The following NEIL1 variants were observed in gnomAD, a reference collection of about 807,000 sequenced individuals.
NEIL1 encodes the protein endonuclease 8-like 1.
In NEIL1, 31 loss-of-function variants were observed where a neutral mutation model predicts 44.2. That is an observed-to-expected ratio of 0.70 (90% CI 0.53 to 0.95). NEIL1 has a LOEUF of 0.95. NEIL1 is among the 40% of genes least tolerant of loss of function. The pLI is 0.00. For synonymous variants in NEIL1, 254 were observed against 209.7 expected (o/e 1.21, Z -1.83); for missense variants, 549 against 515.5 (o/e 1.07, Z -0.63).
intron 1 of NEIL1, chr15:75,348,326 C>A (rs1450872014): frequency 1.0e-6 from 1 of 986,166 alleles, no homozygotes; most frequent in Non-Finnish European, 1.2e-6. Context: ...TTCGCTCTTT[C>A]CCTCGGTGGT....
Position 75,353,925 on chromosome 15 carries a change from G to T in NEIL1, c.846+59G>T, listed in dbSNP as rs961779117. On this transcript the variant is annotated intron_variant, in intron 6 of 9. Transcript: ENST00000355059. Reference sequence around the variant, plus strand: ...CAGGAGGCTGATGGGTGGAAACGTGGGGTCACAATAACTGGGGTGGTGATG... The same window carrying T: ...CAGGAGGCTGATGGGTGGAAACGTGTGGTCACAATAACTGGGGTGGTGATG... 4.4e-6 allele frequency: 7 copies of T among 1,602,476 alleles called. No homozygotes were observed. The African/African-American group carries it at 9.4e-5, about 21-fold the overall frequency.
chr15:75,354,202 C>T lies in NEIL1; in HGVS notation c.847-48C>T, dbSNP rs781680725. ...TCCTGCCTCTCCAAGGAATACCGCCCCTGTGCCAACCCAGGCTGATTCCTG... is the reference window on the plus strand; with the variant it reads ...TCCTGCCTCTCCAAGGAATACCGCCTCTGTGCCAACCCAGGCTGATTCCTG... On this transcript the variant is annotated intron_variant, in intron 6 of 9. Transcript: ENST00000355059. The T allele has an allele frequency of 1.3e-5, 21 of 1,609,588 alleles. No individual in the cohort carries two copies. In the Admixed American group the frequency reaches 2.7e-4, roughly 20 times the overall value.
Position 75,356,395 on chromosome 15 carries a change from A to T in NEIL1, c.*1361A>T. On this transcript the variant is annotated 3_prime_UTR_variant, in exon 10 of 10. Coordinates refer to ENST00000355059, the MANE Select transcript of NEIL1 (RefSeq NM_024608.4). This position sits in a 1 kb window ranked among gnomAD's most constrained non-coding sequence, Gnocchi z 5.8. Reference sequence around the variant, plus strand: ...TGGGCTGGGGGCTGGCAGAGCCAACAGGGGGAAGTTTAGGCTGTAGGCAGC... The same window carrying T: ...TGGGCTGGGGGCTGGCAGAGCCAACTGGGGGAAGTTTAGGCTGTAGGCAGC... 6.2e-7 allele frequency: 1 copy of T among 1,610,650 alleles called. No individual in the cohort carries two copies. The highest frequency in any genetic ancestry group is 8.5e-7 in the Non-Finnish European group (1 of 1,178,788).
chr15:75,348,242 G>A (rs997844464), intron 1 of NEIL1: 2 of 861,776 alleles, frequency 2.3e-6, no homozygotes, highest in Non-Finnish European at 2.8e-6. Context: ...CCGGTCCGTG[G>A]GGCAGGCCCG....
chr15:75,354,965 C>T lies in NEIL1; in HGVS notation c.1104C>T (p.Gly368=). 6.2e-7 allele frequency: 1 copy of T among 1,614,072 alleles called. No individual in the cohort carries two copies. The change falls in exon 10 of 10, where the codon GGC becomes GGT. Residue 368 remains glycine, a splice_region_variant and synonymous_variant. Coordinates refer to ENST00000355059, the MANE Select transcript of NEIL1 (RefSeq NM_024608.4). ...CCATCTTGCCTGTTCTTCCCCCAGG[C>T]CACTGCAGACCCCGGAAGGTCAAGG... is the stretch of plus-strand genomic sequence containing the variant. ...GRRKGRQAAS[G]HCRPRKVKAD...
chr15:75,352,594 T>TTC lies in NEIL1; in HGVS notation c.619-7_619-6dup. ...GACAGACAGGTCCTGCCCCTGCCCCTTCCTCAGAGCCCGGAGCTGACCCTG... is the reference window on the plus strand; with the variant it reads ...GACAGACAGGTCCTGCCCCTGCCCCTTCTCCTCAGAGCCCGGAGCTGACCCTG... On this transcript the variant is annotated splice_region_variant and splice_polypyrimidine_tract_variant and intron_variant, in intron 4 of 9. Coordinates refer to ENST00000355059, the MANE Select transcript of NEIL1 (RefSeq NM_024608.4). The TTC allele has an allele frequency of 6.2e-7, 1 of 1,611,914 alleles. No homozygotes were observed. Among genetic ancestry groups the TTC allele is most frequent in the Non-Finnish European group, 8.5e-7 (1 of 1,179,012 alleles).
At chr15:75,351,002 G>A (rs1172763102) in intron 2 of NEIL1, among the ~76,000 whole-genome samples, 1 of 152,122 alleles carries the variant, frequency 6.6e-6, no homozygotes, top group Non-Finnish European at 1.5e-5. Context: ...CGGTGAGGAG[G>A]GGAGACCCAT....
Position 75,349,296 on chromosome 15 carries a change from C to T in NEIL1, c.391C>T (p.Pro131Ser). 6.2e-7 allele frequency: 1 copy of T among 1,609,902 alleles called. No individual in the cohort carries two copies. The highest frequency in any genetic ancestry group is 8.5e-7 in the Non-Finnish European group (1 of 1,179,032). ...GRWDLGGKWQ[P>S]GRGPCVLQEY... ...CTGGGACCTTGGGGGAAAGTGGCAG[C>T]CGGGCCGCGGGCCCTGTGTCTTGCA... The change falls in exon 2 of 10, where the codon CCG (proline) becomes TCG (serine). Residue 131 changes from proline to serine, a missense_variant. Physicochemically the swap from Pro to Ser is moderately conservative, Grantham distance 74. Transcript: ENST00000355059.
At chr15:75,348,001 C>G (rs1450987993) in intron 1 of NEIL1, 1 of 1,205,830 alleles carries the variant, frequency 8.3e-7, no homozygotes, top group Non-Finnish European at 1.1e-6. Flanking sequence ...GGGACAGAGG[C>G]AAGTGGCAAA....
chr15:75,352,963 A>C (rs1567248650), intron 5 of NEIL1: 3 of 379,734 alleles, frequency 7.9e-6, no homozygotes, highest in Non-Finnish European at 9.9e-6. Flanking sequence ...AACATGGTGA[A>C]ACCCCATCTC....
In NEIL1 at chr15:75,352,650, C is replaced by A. The variant is rs763446339; in HGVS notation, c.667C>A (p.Pro223Thr). 1.9e-6 allele frequency: 3 copies of A among 1,613,360 alleles called. No homozygotes were observed. Residue 223 changes from proline to threonine, a missense_variant, in exon 5 of 10, where the codon CCA (proline) becomes ACA (threonine). Pro to Thr is a conservative substitution (Grantham distance 38). Coordinates refer to ENST00000355059, the MANE Select transcript of NEIL1 (RefSeq NM_024608.4). ...SQKIRTKLQN[P>T]DLLELCHSVP... The stretch of plus-strand genomic sequence containing the variant: ...GAAGATAAGGACCAAGCTGCAGAAT[C>A]CAGACCTGCTGGAGCTATGTCACTC...
rs780274251 is a variant in NEIL1 at position 75,349,278 on chromosome 15, C to G, written c.373C>G (p.Leu125Val). ...CATCCGCCGGTTCGGCCGCTGGGACCTTGGGGGAAAGTGGCAGCCGGGCCG... is the reference window on the plus strand; with the variant it reads ...CATCCGCCGGTTCGGCCGCTGGGACGTTGGGGGAAAGTGGCAGCCGGGCCG... Reference protein sequence around the residue: ...VDIRRFGRWDLGGKWQPGRGP... With the variant: ...VDIRRFGRWDVGGKWQPGRGP... Residue 125 changes from leucine to valine, a missense_variant, in exon 2 of 10, where the codon CTT (leucine) becomes GTT (valine). By Grantham distance (32) the Leu-to-Val change is conservative. Transcript: ENST00000355059. 1.2e-6 allele frequency: 2 copies of G among 1,611,782 alleles called. No homozygotes were observed. The highest frequency in any genetic ancestry group is 3.3e-5 in the Admixed American group (2 of 59,968).
At chr15:75,352,559 T>C in intron 4 of NEIL1, 43 bp from the exon 5 acceptor site, 1 of 1,585,814 alleles carries the variant, frequency 6.3e-7, no homozygotes, top group East Asian at 2.3e-5. Flanking sequence ...TGCCTTTACA[T>C]GGCCCTGCTG....
At position 75,356,997 on chromosome 15, in the gene NEIL1, T is replaced by A; in HGVS notation, c.*1963T>A. The A allele has an allele frequency of 1.0e-6, 1 of 997,530 alleles. No individual in the cohort carries two copies. The highest frequency in any genetic ancestry group is 1.5e-6 in the Non-Finnish European group (1 of 652,010). The allele number at this position is 997,530 out of a possible 1,614,324, so 61.8% of individuals were successfully genotyped here. A position where few individuals can be genotyped will look rare whatever the true frequency, so the allele number is the denominator to read the frequency against. Reference sequence around the variant, plus strand: ...CTGTCACTAGGCCGAGCACAAGCTCTAGAACCACACAACTGAACTCCAGCT... The same window carrying A: ...CTGTCACTAGGCCGAGCACAAGCTCAAGAACCACACAACTGAACTCCAGCT... On this transcript the variant is annotated 3_prime_UTR_variant, in exon 10 of 10. Transcript: ENST00000355059. The surrounding 1 kb of genome is among the most constrained non-coding windows in gnomAD (Gnocchi z 5.8).
rs1234502374 is a variant in NEIL1 at position 75,352,689 on chromosome 15, GTGGTCCAGT to G, written c.710_718del (p.Val237_Leu239del). 6.2e-7 allele frequency: 1 copy of G among 1,611,624 alleles called. No individual in the cohort carries two copies. Among genetic ancestry groups the G allele is most frequent in the Admixed American group, 1.7e-5 (1 of 59,766 alleles). On this transcript the variant is annotated inframe_deletion, in exon 5 of 10. Coordinates refer to ENST00000355059, the MANE Select transcript of NEIL1 (RefSeq NM_024608.4). The stretch of plus-strand genomic sequence containing the variant: ...GCTATGTCACTCAGTGCCCAAGGAA[GTGGTCCAGT>G]TGGGTGAGGCCAAAGATGGCAGCAA...
In NEIL1 at chr15:75,355,694, G is replaced by A; in HGVS notation, c.*660G>A. 1 of 577,268 alleles carries A rather than the reference G, an allele frequency of 1.7e-6. No homozygotes were observed. Among genetic ancestry groups the A allele is most frequent in the Non-Finnish European group, 3.0e-6 (1 of 329,720 alleles). 35.8% of individuals were successfully genotyped at this position (577,268 alleles called of 1,614,324 possible). A position where few individuals can be genotyped will look rare whatever the true frequency, so the allele number is the denominator to read the frequency against. ...GCACGCACAGGTACCTTAGGATCTT[G>A]CCCCTACCCACCAAATACCTGGGAA... On this transcript the variant is annotated 3_prime_UTR_variant, in exon 10 of 10. Coordinates refer to ENST00000355059, the MANE Select transcript of NEIL1 (RefSeq NM_024608.4).
chr15:75,354,948 C>A lies in NEIL1; in HGVS notation c.1103-16C>A, dbSNP rs201721613. The A allele has an allele frequency of 2.5e-6, 4 of 1,613,890 alleles. No individual in the cohort carries two copies. The South Asian group carries it at 3.3e-5, about 13-fold the overall frequency. On this transcript the variant is annotated splice_polypyrimidine_tract_variant and intron_variant, in intron 9 of 9. Coordinates refer to ENST00000355059, the MANE Select transcript of NEIL1 (RefSeq NM_024608.4). ...CCTGGAGTCTTAGCTGACCATCTTG[C>A]CTGTTCTTCCCCCAGGCCACTGCAG...
Position 75,356,848 on chromosome 15 carries a change from G to C in NEIL1, c.*1814G>C. The C allele has an allele frequency of 1.9e-6, 3 of 1,614,160 alleles. No homozygotes were observed. The highest frequency in any genetic ancestry group is 2.5e-6 in the Non-Finnish European group (3 of 1,180,048). On this transcript the variant is annotated 3_prime_UTR_variant, in exon 10 of 10. Coordinates refer to ENST00000355059, the MANE Select transcript of NEIL1 (RefSeq NM_024608.4). This position sits in a 1 kb window ranked among gnomAD's most constrained non-coding sequence, Gnocchi z 5.8. ...GACGCGCCATACTTGCAGTCGTTGA[G>C]CAGGGCCAGCCCAAAGCCGTGTTCT...
In NEIL1 at chr15:75,349,065, A is replaced by G; in HGVS notation, c.160A>G (p.Lys54Glu). The G allele has an allele frequency of 6.2e-7, 1 of 1,613,430 alleles. No individual in the cohort carries two copies. The highest frequency in any genetic ancestry group is 8.5e-7 in the Non-Finnish European group (1 of 1,179,972). ...CCGCATCTCAGCTTCAGCCCGCGGC[A>G]AGGAGCTGCGCCTGATACTGAGCCC... ...AYRISASARG[K>E]ELRLILSPLP... The change falls in exon 2 of 10, where the codon AAG becomes GAG. Residue 54 changes from lysine (K) to glutamate (E), a missense_variant. Lys to Glu is a moderately conservative substitution (Grantham distance 56, BLOSUM62 1). Transcript: ENST00000355059.
Sources: gnomAD v4.1 joint callset for allele counts (sites outside exome capture counted in the v4.1 genomes callset) on GRCh38, gnomAD v4.1.1 for gene constraint, Gnocchi (gnomAD v3.1) non-coding constraint, MANE v1.5 for transcripts, NCBI Gene and HGNC (gene_info 2026-07-23, HGNC 2026-07-21) for gene names.